The following MARCHF1 variants were observed in gnomAD, a reference collection of about 807,000 sequenced individuals.
MARCHF1 encodes E3 ubiquitin-protein ligase MARCHF1.
In MARCHF1, 40 loss-of-function variants were observed where a neutral mutation model predicts 54.2. That is an observed-to-expected ratio of 0.74 (90% CI 0.57 to 0.96). The LOEUF (loss-of-function observed/expected upper bound fraction) is 0.96. Ranked by LOEUF, MARCHF1 falls within the 40% of genes least tolerant of loss-of-function variation. The probability of loss-of-function intolerance (pLI) is 0.00; values close to 1 mark genes in which losing one functional copy is unlikely to be tolerated. For missense variants in MARCHF1, 586 were observed against 656.5 expected (o/e 0.89, Z 1.17); for synonymous variants, 236 against 236.3 (o/e 1.00, Z 0.01).
chr4:163,792,593 G>A (rs1747800760), intron 4 of MARCHF1, among the ~76,000 whole-genome samples: 1 of 151,826 alleles, frequency 6.6e-6, no homozygotes. Context: ...TACTTAATTG[G>A]TATCATCTTC....
chr4:164,268,665 T>C (rs1363117135), intron 1 of MARCHF1, among the ~76,000 whole-genome samples: 3 of 152,292 alleles, frequency 2.0e-5, no homozygotes, highest in African/African-American at 7.2e-5. Flanking sequence ...ATATTAAACC[T>C]TTATCATTAT....
At chr4:163,558,202 G>A (rs1220709766) in intron 8 of MARCHF1, among the ~76,000 whole-genome samples, 3 of 152,134 alleles carry the variant, frequency 2.0e-5, no homozygotes, top group Admixed American at 2.0e-4. Flanking sequence ...ATCCGGAGCG[G>A]GGAAACATGG....
At chr4:163,895,533 C>T (rs1436819664) in intron 3 of MARCHF1, among the ~76,000 whole-genome samples, 1 of 152,134 alleles carries the variant, frequency 6.6e-6, no homozygotes, top group Non-Finnish European at 1.5e-5. Context: ...GTTAATTGTT[C>T]ATGTGGTTAG....
Position 163,700,828 on chromosome 4 carries a change from T to A in MARCHF1, c.147A>T (p.Ser49=), listed in dbSNP as rs1364675546. 2.0e-6 allele frequency: 3 copies of A among 1,536,390 alleles called. No homozygotes were observed. Among genetic ancestry groups the A allele is most frequent in the Non-Finnish European group, 2.6e-6 (3 of 1,146,436 alleles). The change falls in exon 5 of 10, where the codon TCA becomes TCT. Residue 49 remains serine, a synonymous_variant. Coordinates refer to ENST00000514618, the MANE Select transcript of MARCHF1 (RefSeq NM_001394959.1). ...CTTCACCTACTTTTGAAATGTTACT[T>A]GATCGACTTGCAGATCGCCCTGGGG... ...EKSPGRSASR[S]SNISKASSPT...
At chr4:164,371,905 C>T (rs577187160) in intron 1 of MARCHF1, among the ~76,000 whole-genome samples, 17 of 152,016 alleles carry the variant, frequency 1.1e-4, no homozygotes, top group Admixed American at 2.6e-4. Flanking sequence ...ATAAAAGTAA[C>T]GTATCATTTA....
At chr4:163,917,402 T>A (rs1469576033) in intron 3 of MARCHF1, among the ~76,000 whole-genome samples, 1 of 151,984 alleles carries the variant, frequency 6.6e-6, no homozygotes, top group Non-Finnish European at 1.5e-5. Flanking sequence ...GGGGTTTCTG[T>A]TCCACATCTT....
intron 2 of MARCHF1, among the ~76,000 whole-genome samples, chr4:164,046,090 T>C (rs1266700614): frequency 6.6e-6 from 1 of 152,192 alleles, no homozygotes. Flanking sequence ...GCCCCAGTTT[T>C]CATAGAACGA....
chr4:163,927,853 A>G (rs1425867633), intron 3 of MARCHF1, among the ~76,000 whole-genome samples: 1 of 151,860 alleles, frequency 6.6e-6, no homozygotes, highest in Non-Finnish European at 1.5e-5. Flanking sequence ...TAACATGTAC[A>G]CTCACACAAG....
intron 1 of MARCHF1, among the ~76,000 whole-genome samples, chr4:164,145,522 A>G (rs193059630): frequency 0.84 from 125,755 of 150,454 alleles, 53,049 homozygotes; most frequent in Non-Finnish European, 0.89. Flanking sequence ...TTCAATATAC[A>G]CAAATCAATA....
chr4:164,109,049 T>G (rs1177342892), intron 2 of MARCHF1, among the ~76,000 whole-genome samples: 5 of 152,074 alleles, frequency 3.3e-5, no homozygotes, highest in Admixed American at 3.3e-4. Flanking sequence ...CATTGAAAAC[T>G]GGACAATTAT....
At chr4:164,042,617 C>T (rs1415984720) in intron 2 of MARCHF1, among the ~76,000 whole-genome samples, 1 of 152,140 alleles carries the variant, frequency 6.6e-6, no homozygotes, top group Non-Finnish European at 1.5e-5. Context: ...ACCCCTGAGC[C>T]TTCCAAAATC....
intron 2 of MARCHF1, among the ~76,000 whole-genome samples, chr4:164,026,178 T>C (rs759423318): frequency 4.6e-4 from 70 of 152,056 alleles, no homozygotes; most frequent in Non-Finnish European, 6.6e-4. Context: ...TGGTACCAAT[T>C]CTGCTGAAAC....
At chr4:163,542,526 A>T (rs1382438787) in intron 9 of MARCHF1, among the ~76,000 whole-genome samples, 1 of 152,226 alleles carries the variant, frequency 6.6e-6, no homozygotes, top group Non-Finnish European at 1.5e-5. Context: ...TCTGGGGATA[A>T]AGCCCAGCTT....
intron 1 of MARCHF1, among the ~76,000 whole-genome samples, chr4:164,214,770 A>G (rs1328525833): frequency 4.6e-5 from 7 of 152,200 alleles, no homozygotes. Context: ...AATGTGGGGC[A>G]CATATTTTAT....
rs78616080 is a variant in MARCHF1, at chr4:163,760,223, T to C, written c.112-59360A>G. On this transcript the variant is annotated intron_variant, in intron 4 of 9. Coordinates refer to ENST00000514618, the MANE Select transcript of MARCHF1 (RefSeq NM_001394959.1). ...TGATCTGCTCCTTCTTGTGATGCTC[T>C]CTCTGGTTCTGACTCTTCTGCTTTT... 6.1e-3 allele frequency among the ~76,000 whole-genome samples: 936 copies of C among 152,330 alleles called. 19 individuals are homozygous for C. The highest frequency in any genetic ancestry group is 0.022 in the African/African-American group (905 of 41,572).
At chr4:164,084,491 G>T (rs1036505643) in intron 2 of MARCHF1, among the ~76,000 whole-genome samples, 2 of 151,702 alleles carry the variant, frequency 1.3e-5, no homozygotes, top group Non-Finnish European at 3.0e-5. Flanking sequence ...CCATGCTTTA[G>T]ATTAAAAAAC....
At chr4:163,759,339 A>G (rs989257376) in intron 4 of MARCHF1, among the ~76,000 whole-genome samples, 16 of 152,322 alleles carry the variant, frequency 1.1e-4, no homozygotes, top group Admixed American at 9.2e-4. Context: ...CAAAAGGTAC[A>G]TGATAATGTG....
intron 3 of MARCHF1, among the ~76,000 whole-genome samples, chr4:163,978,163 G>C (rs886131167): frequency 1.3e-5 from 2 of 152,042 alleles, no homozygotes; most frequent in Non-Finnish European, 2.9e-5. Context: ...AAACAAACAT[G>C]GTCTGTTTAA....
chr4:164,373,537 T>C (rs1172539372), intron 1 of MARCHF1, among the ~76,000 whole-genome samples: 3 of 151,824 alleles, frequency 2.0e-5, no homozygotes, highest in Non-Finnish European at 4.4e-5. Flanking sequence ...GTATTTTTAG[T>C]AGAGATGGGG....
Sources: gnomAD v4.1 joint callset for allele counts (sites outside exome capture counted in the v4.1 genomes callset) on GRCh38, gnomAD v4.1.1 for gene constraint, MANE v1.5 for transcripts, NCBI Gene and HGNC (gene_info 2026-07-23, HGNC 2026-07-21) for gene names.